The following COG6 variants were observed in gnomAD, a reference collection of about 807,000 sequenced individuals.
COG6 encodes the protein component of oligomeric golgi complex 6, also known as conserved oligomeric Golgi complex subunit 6.
A neutral mutation model predicts 88.8 loss-of-function variants in COG6; 74 were observed. That is an observed-to-expected ratio of 0.83 (90% CI 0.69 to 1.01). COG6 has a LOEUF of 1.01. COG6 is among the 50% of genes least tolerant of loss of function. The probability of loss-of-function intolerance (pLI) is 0.00; values close to 1 mark genes in which losing one functional copy is unlikely to be tolerated. For synonymous variants in COG6, 286 were observed against 278.7 expected, an observed-to-expected ratio of 1.03 and a Z score of -0.26; for missense variants, 800 against 797.9, an observed-to-expected ratio of 1.00 and a Z score of -0.03.
chr13:39,761,883 C>G (rs921439874), intron 18 of COG6, among the ~76,000 whole-genome samples: 2 of 151,402 alleles, frequency 1.3e-5, no homozygotes, highest in Admixed American at 1.3e-4. Context: ...CAAATGTTGA[C>G]AAGAATGCAC....
At chr13:39,706,184 A>G (rs1033953157) in intron 13 of COG6, among the ~76,000 whole-genome samples, 15 of 134,550 alleles carry the variant, frequency 1.1e-4, no homozygotes, top group African/African-American at 4.1e-4. Context: ...ATATGTATAT[A>G]CACACACACT....
chr13:39,717,426 G>A (rs1298913494), intron 13 of COG6, among the ~76,000 whole-genome samples: 1 of 150,696 alleles, frequency 6.6e-6, no homozygotes, highest in Non-Finnish European at 1.5e-5. Context: ...TTCCTTCTGG[G>A]CTTCCCCTTT....
intron 13 of COG6, among the ~76,000 whole-genome samples, chr13:39,707,282 CCA>C (rs1251931159): frequency 7.2e-5 from 11 of 151,972 alleles, no homozygotes; most frequent in African/African-American, 2.4e-4. Flanking sequence ...GCATGCACCA[CCA>C]CACCCAGCTA....
Position 39,694,963 on chromosome 13 carries a change from A to G in COG6, c.1166+238A>G, listed in dbSNP as rs530645792. On this transcript the variant is annotated intron_variant, in intron 12 of 18. Transcript: ENST00000455146. ...TCCAAGCTTAACTACACGCACACACACACACACACACACACACACACACAC... is the reference window on the plus strand; with the variant it reads ...TCCAAGCTTAACTACACGCACACACGCACACACACACACACACACACACAC... Among the ~76,000 whole-genome samples the G allele has an allele frequency of 9.7e-4, 136 of 139,932 alleles. 1 individual carries two copies. Among genetic ancestry groups the G allele is most frequent in the African/African-American group, 1.4e-3 (54 of 39,596 alleles). 91.8% of individuals were successfully genotyped at this position (139,932 alleles called of 152,430 possible). A position where few individuals can be genotyped will look rare whatever the true frequency, so the allele number is the denominator to read the frequency against.
chr13:39,684,397 C>T (rs1288650675), intron 8 of COG6, among the ~76,000 whole-genome samples: 1 of 150,622 alleles, frequency 6.6e-6, no homozygotes, highest in Non-Finnish European at 1.5e-5. Context: ...CTACAGGCGC[C>T]CGCCACCTCG....
At chr13:39,660,787 G>T (rs949375359) in intron 2 of COG6, 23 bp from the exon 3 acceptor site, 1 of 1,440,094 alleles carries the variant, frequency 6.9e-7, no homozygotes, top group South Asian at 1.1e-5. Context: ...TATGATGTTT[G>T]ATGTTACTTT....
At chr13:39,705,994 T>C (rs1877872734) in intron 13 of COG6, among the ~76,000 whole-genome samples, 1 of 151,870 alleles carries the variant, frequency 6.6e-6, no homozygotes, top group Non-Finnish European at 1.5e-5. Flanking sequence ...TGAAATGCTT[T>C]AATATTTAAA....
rs1244543875 is a variant in COG6, at chr13:39,751,895, A to G, written c.*802A>G. On this transcript the variant is annotated 3_prime_UTR_variant, in exon 19 of 19. Coordinates refer to ENST00000455146, the MANE Select transcript of COG6 (RefSeq NM_020751.3). Reference sequence around the variant, plus strand: ...CTAAGCCTGGTGTTTAAAGATGGGTATTTGTCATACAATATGGGTCCTAAA... The same window carrying G: ...CTAAGCCTGGTGTTTAAAGATGGGTGTTTGTCATACAATATGGGTCCTAAA... The G allele has an allele frequency of 7.8e-7, 1 of 1,275,220 alleles. No individual in the cohort carries two copies. Among genetic ancestry groups the G allele is most frequent in the Non-Finnish European group, 1.0e-6 (1 of 977,912 alleles). 79.0% of individuals were successfully genotyped at this position (1,275,220 alleles called of 1,614,324 possible). A position where few individuals can be genotyped will look rare whatever the true frequency, so the allele number is the denominator to read the frequency against.
rs1458363209 is a variant in COG6, at chr13:39,677,598, A to G, written c.540+19A>G. 1 of 1,437,896 alleles carries G rather than the reference A, an allele frequency of 7.0e-7. No homozygotes were observed. The highest frequency in any genetic ancestry group is 9.8e-7 in the Non-Finnish European group (1 of 1,023,374). The allele number at this position is 1,437,896 out of a possible 1,614,324, so 89.1% of individuals were successfully genotyped here. On this transcript the variant is annotated intron_variant, in intron 5 of 18. Transcript: ENST00000455146. The stretch of plus-strand genomic sequence containing the variant: ...TACTGAGGTATCCTGGCTTTCTGTT[A>G]TAATCATTTAAAGTTTAGTAGTTAC...
chr13:39,749,427 A>G (rs866278736), intron 18 of COG6, among the ~76,000 whole-genome samples: 3 of 152,216 alleles, frequency 2.0e-5, no homozygotes, highest in South Asian at 2.1e-4. Context: ...TACATTTTGG[A>G]AATTGGGTTA....
At chr13:39,706,967 A>ATATAAAG (rs1000582784) in intron 13 of COG6, among the ~76,000 whole-genome samples, 6 of 152,124 alleles carry the variant, frequency 3.9e-5, no homozygotes, top group African/African-American at 1.4e-4. Context: ...TACAGGCATG[A>ATATAAAG]GCCACCATGC....
chr13:39,705,447 T>C (rs1473311887), intron 13 of COG6, among the ~76,000 whole-genome samples: 1 of 152,130 alleles, frequency 6.6e-6, no homozygotes, highest in Non-Finnish European at 1.5e-5. Context: ...TATTCATAAC[T>C]GCAAATCTAG....
downstream of COG6, among the ~76,000 whole-genome samples, chr13:39,757,419 C>T (rs2138158768): frequency 6.6e-6 from 1 of 151,692 alleles, no homozygotes; most frequent in African/African-American, 2.4e-5. Context: ...GAAGAGCAAA[C>T]TAAACCTAAT....
At chr13:39,675,715 A>T (rs1457767209) in intron 4 of COG6, among the ~76,000 whole-genome samples, 1 of 152,122 alleles carries the variant, frequency 6.6e-6, no homozygotes, top group Non-Finnish European at 1.5e-5. Flanking sequence ...AACTAAAGAG[A>T]CAAATTTTCC....
At chr13:39,712,636 T>C (rs1878305218) in intron 13 of COG6, among the ~76,000 whole-genome samples, 1 of 152,240 alleles carries the variant, frequency 6.6e-6, no homozygotes, top group Non-Finnish European at 1.5e-5. Context: ...CATGTCATTT[T>C]AGTAGCCTTG....
At chr13:39,779,856 G>A (rs1881576475) in intron 18 of COG6, among the ~76,000 whole-genome samples, 1 of 152,100 alleles carries the variant, frequency 6.6e-6, no homozygotes, top group Non-Finnish European at 1.5e-5. Context: ...AACGTTACAA[G>A]AATGCTCAAG....
At chr13:39,724,710 G>T in intron 17 of COG6, 149 bp downstream of exon 17, 1 of 679,000 alleles carries the variant, frequency 1.5e-6, no homozygotes, top group Non-Finnish European at 2.6e-6. Context: ...GACTGAGCCT[G>T]TATTACTTTA....
chr13:39,723,648 A>ATGCATAGT (rs1264013300), intron 16 of COG6, among the ~76,000 whole-genome samples: 1 of 152,088 alleles, frequency 6.6e-6, no homozygotes, highest in Non-Finnish European at 1.5e-5. Flanking sequence ...GACATAATAC[A>ATGCATAGT]TGCATAGTTC....
intron 4 of COG6, among the ~76,000 whole-genome samples, chr13:39,670,661 C>T (rs1035719514): frequency 2.0e-5 from 3 of 151,894 alleles, no homozygotes; most frequent in Non-Finnish European, 2.9e-5. Context: ...CTCCCTAGTC[C>T]TCCCCTTTTA....
Sources: gnomAD v4.1 joint callset for allele counts (sites outside exome capture counted in the v4.1 genomes callset) on GRCh38, gnomAD v4.1.1 for gene constraint, MANE v1.5 for transcripts, NCBI Gene and HGNC (gene_info 2026-07-23, HGNC 2026-07-21) for gene names.